RBFOX1: variants seen among roughly 807,000 people sequenced by gnomAD.
RBFOX1 encodes the protein RNA binding fox-1 homolog 1.
A neutral mutation model predicts 57.7 loss-of-function variants in RBFOX1; 8 were observed. That is an observed-to-expected ratio of 0.14 (90% CI 0.08 to 0.25). The LOEUF is 0.25. Ranked by LOEUF, RBFOX1 falls within the 10% of genes least tolerant of loss-of-function variation. The pLI, the probability that RBFOX1 is intolerant of heterozygous loss-of-function variation, is 1.00. For synonymous variants in RBFOX1, 326 were observed against 222.4 expected (o/e 1.47, Z -4.15); for missense variants, 611 against 548.5 (o/e 1.11, Z -1.14).
chr16:6,938,229 C>T (rs2077701000), intron 3 of RBFOX1, among the ~76,000 whole-genome samples: 1 of 152,110 alleles, frequency 6.6e-6, no homozygotes, highest in Non-Finnish European at 1.5e-5. Context: ...AGATCATTGT[C>T]CTATAAATAT....
chr16:6,208,440 G>A (rs1375057650), intron 1 of RBFOX1, among the ~76,000 whole-genome samples: 1 of 151,998 alleles, frequency 6.6e-6, no homozygotes, highest in Non-Finnish European at 1.5e-5. Flanking sequence ...AGGTGTGTCT[G>A]AAGTTGAGTA....
chr16:7,031,748 A>G (rs1411720640), intron 3 of RBFOX1, among the ~76,000 whole-genome samples: 1 of 152,186 alleles, frequency 6.6e-6, no homozygotes, highest in African/African-American at 2.4e-5. Flanking sequence ...TGTGCCCTCA[A>G]ACAACATCCC....
chr16:5,454,927 C>CT (rs1177100158), intron 1 of RBFOX1, among the ~76,000 whole-genome samples: 14 of 36,998 alleles, frequency 3.8e-4, no homozygotes, highest in East Asian at 1.1e-3. Context: ...TTGTTTCTTT[C>CT]TTCCTTCCTT....
intron 4 of RBFOX1, among the ~76,000 whole-genome samples, chr16:7,465,871 T>C (rs994647289): frequency 1.3e-5 from 2 of 152,266 alleles, no homozygotes; most frequent in Admixed American, 6.5e-5. Flanking sequence ...TTAACTGTTA[T>C]CTGTTCATAC....
intron 4 of RBFOX1, among the ~76,000 whole-genome samples, chr16:7,231,908 T>TG (rs1296214463): frequency 1.3e-5 from 2 of 152,148 alleles, no homozygotes; most frequent in Admixed American, 6.5e-5. Flanking sequence ...AGGAAGGGGT[T>TG]GGGGAATAAC....
intron 2 of RBFOX1, among the ~76,000 whole-genome samples, chr16:6,347,669 A>C (rs943537421): frequency 6.6e-6 from 1 of 152,226 alleles, no homozygotes; most frequent in African/African-American, 2.4e-5. Context: ...ATGTCCCTGT[A>C]TATCAACAAT....
At chr16:5,698,120 G>A (rs980416079) in intron 3 of RBFOX1, among the ~76,000 whole-genome samples, 12 of 152,150 alleles carry the variant, frequency 7.9e-5, no homozygotes, top group Admixed American at 2.0e-4. Context: ...TTTAGACTCT[G>A]ATGAATCCCA....
intron 3 of RBFOX1, among the ~76,000 whole-genome samples, chr16:5,752,327 A>T (rs558956034): frequency 2.0e-5 from 3 of 152,182 alleles, no homozygotes; most frequent in Non-Finnish European, 4.4e-5. Flanking sequence ...CAACTAATAG[A>T]TACTAGGCTT....
intron 3 of RBFOX1, among the ~76,000 whole-genome samples, chr16:6,980,896 A>G (rs1257835686): frequency 6.6e-6 from 1 of 152,004 alleles, no homozygotes; most frequent in Non-Finnish European, 1.5e-5. Context: ...TACAAAAATT[A>G]GCTGGGCATG....
Position 6,281,218 on chromosome 16 carries a change from C to T in RBFOX1, c.-126-35777C>T. Among the ~76,000 whole-genome samples, 3 of 152,110 alleles carry T rather than the reference C, an allele frequency of 2.0e-5. 1 individual carries two copies. In the East Asian group the frequency reaches 5.9e-4, roughly 30 times the overall value. On this transcript the variant is annotated intron_variant, in intron 1 of 15. Coordinates refer to ENST00000550418, the MANE Select transcript of RBFOX1 (RefSeq NM_018723.4). Reference sequence around the variant, plus strand: ...AACTTTCAGAGGTGCTTACTCCATGCCCGGTGCTAGGACAAGCACCTTGCA... The same window carrying T: ...AACTTTCAGAGGTGCTTACTCCATGTCCGGTGCTAGGACAAGCACCTTGCA...
At chr16:6,991,180 C>G (rs1035446505) in intron 3 of RBFOX1, among the ~76,000 whole-genome samples, 3 of 145,868 alleles carry the variant, frequency 2.1e-5, no homozygotes, top group South Asian at 4.5e-4. Flanking sequence ...TGGCGTGTAC[C>G]TTTAGTTCCA....
rs574821196 is a variant in RBFOX1, at chr16:6,223,503, T to G, written c.-126-93492T>G. ...TTTTGGCTGCATAAATGTCTTCTTT[T>G]GAGAAGTGTCTGTTCATATCCTTTG... On this transcript the variant is annotated intron_variant, in intron 1 of 15. Coordinates refer to ENST00000550418, the MANE Select transcript of RBFOX1 (RefSeq NM_018723.4). 9.3e-4 allele frequency among the ~76,000 whole-genome samples: 142 copies of G among 152,334 alleles called. 1 individual carries two copies. The highest frequency in any genetic ancestry group is 3.3e-3 in the African/African-American group (139 of 41,572).
chr16:5,803,020 G>A (rs1284661307), intron 3 of RBFOX1, among the ~76,000 whole-genome samples: 1 of 152,198 alleles, frequency 6.6e-6, no homozygotes, highest in Non-Finnish European at 1.5e-5. Context: ...AGACAGACAT[G>A]TACTTGGGTA....
chr16:6,924,480 A>G (rs1223265316), intron 3 of RBFOX1, among the ~76,000 whole-genome samples: 1 of 151,958 alleles, frequency 6.6e-6, no homozygotes, highest in Non-Finnish European at 1.5e-5. Flanking sequence ...TTCTTGAGGA[A>G]GCCACCCCCA....
chr16:5,366,967 A>G (rs1338413003), intron 1 of RBFOX1, among the ~76,000 whole-genome samples: 1 of 152,240 alleles, frequency 6.6e-6, no homozygotes, highest in Non-Finnish European at 1.5e-5. Context: ...TGGGGAGACA[A>G]AAATATACAT....
intron 3 of RBFOX1, among the ~76,000 whole-genome samples, chr16:5,616,461 C>T (rs192017328): frequency 6.6e-6 from 1 of 152,256 alleles, no homozygotes; most frequent in Non-Finnish European, 1.5e-5. Flanking sequence ...GTTCTTGTGT[C>T]ACAGTGCCCT....
chr16:6,564,854 T>C (rs1003840201), intron 2 of RBFOX1, among the ~76,000 whole-genome samples: 2 of 152,088 alleles, frequency 1.3e-5, no homozygotes, highest in African/African-American at 4.8e-5. Flanking sequence ...AATTAAAGCA[T>C]TTGCGGCTGG....
At chr16:6,051,963 G>A (rs899246436) in intron 1 of RBFOX1, among the ~76,000 whole-genome samples, 1 of 152,100 alleles carries the variant, frequency 6.6e-6, no homozygotes, top group Non-Finnish European at 1.5e-5. Flanking sequence ...TCCCTCACCT[G>A]GACCGACAAG....
Position 7,405,906 on chromosome 16 carries a change from G to T in RBFOX1, c.28-112241G>T, listed in dbSNP as rs539186858. 2.0e-5 allele frequency among the ~76,000 whole-genome samples: 3 copies of T among 152,102 alleles called. No individual in the cohort carries two copies. The South Asian group carries it at 6.2e-4, about 32-fold the overall frequency. On this transcript the variant is annotated intron_variant, in intron 4 of 15. Coordinates refer to ENST00000550418, the MANE Select transcript of RBFOX1 (RefSeq NM_018723.4). ...GGCTCTGTGTCCCCAGGGTGCATTT[G>T]GCCATGTCCAGAGACATTTTTAGTT...
Sources: allele counts gnomAD v4.1 joint callset (sites outside exome capture counted in the v4.1 genomes callset), GRCh38; gene constraint gnomAD v4.1.1; transcripts MANE v1.5; gene names NCBI Gene and HGNC (gene_info 2026-07-23, HGNC 2026-07-21).